The following GK5 variants were observed in gnomAD, a reference collection of about 807,000 sequenced individuals.
The protein encoded by GK5 is glycerol kinase 5.
In GK5, 39 loss-of-function variants were observed where a neutral mutation model predicts 77.3. The observed-to-expected ratio is 0.50, with a 90% confidence interval of 0.39 to 0.66. GK5 has a LOEUF of 0.66. Ranked by LOEUF, GK5 falls within the 30% of genes least tolerant of loss-of-function variation. The probability of loss-of-function intolerance (pLI) is 0.00; values close to 1 mark genes in which losing one functional copy is unlikely to be tolerated. For missense variants in GK5, 487 were observed against 633.8 expected (o/e 0.77, Z 2.49); for synonymous variants, 211 against 208.0 (o/e 1.01, Z -0.13).
chr3:142,206,017 TA>T (rs1220309439), intron 3 of GK5, among the ~76,000 whole-genome samples: 3 of 152,224 alleles, frequency 2.0e-5, no homozygotes, highest in African/African-American at 7.2e-5. Context: ...TTTGTTCTTT[TA>T]TATTTGGCTT....
At chr3:142,214,175 G>GA (rs979495633) in intron 2 of GK5, among the ~76,000 whole-genome samples, 2 of 151,866 alleles carry the variant, frequency 1.3e-5, no homozygotes, top group African/African-American at 4.8e-5. Flanking sequence ...TAGGTGCTGG[G>GA]AAAAAAACAA....
chr3:142,196,465 A>C (rs1400723302), intron 5 of GK5, among the ~76,000 whole-genome samples: 1 of 151,950 alleles, frequency 6.6e-6, no homozygotes, highest in Non-Finnish European at 1.5e-5. Flanking sequence ...TTTTGCTATA[A>C]ATTTCCTTCT....
At chr3:142,203,773 C>CA (rs552885184) in intron 4 of GK5, among the ~76,000 whole-genome samples, 87 of 151,996 alleles carry the variant, frequency 5.7e-4, no homozygotes, top group African/African-American at 2.1e-3. Context: ...GACTCCATCT[C>CA]AAAAAATAAC....
chr3:142,214,099 C>T (rs2064237306), intron 2 of GK5, among the ~76,000 whole-genome samples: 1 of 152,208 alleles, frequency 6.6e-6, no homozygotes, highest in South Asian at 2.1e-4. Context: ...GCTGGGATTA[C>T]AGGTGTGAGC....
chr3:142,189,988 AAAAC>A (rs2063826500), intron 5 of GK5, among the ~76,000 whole-genome samples: 1 of 152,204 alleles, frequency 6.6e-6, no homozygotes, highest in African/African-American at 2.4e-5. Context: ...ACATGGAAGA[AAAAC>A]AAAAACAGGA....
chr3:142,222,563 CAA>C (rs918156029), intron 1 of GK5, among the ~76,000 whole-genome samples: 5 of 133,036 alleles, frequency 3.8e-5, no homozygotes, highest in Non-Finnish European at 1.6e-5. Flanking sequence ...GACTCCATCT[CAA>C]AAAAAAAAAA....
chr3:142,219,315 A>C (rs1399020854), intron 1 of GK5, among the ~76,000 whole-genome samples: 1 of 152,248 alleles, frequency 6.6e-6, no homozygotes, highest in Non-Finnish European at 1.5e-5. Context: ...AATGATCACC[A>C]GAAACCAGAA....
chr3:142,174,502 A>T (rs1290773138), intron 12 of GK5, among the ~76,000 whole-genome samples: 1 of 152,172 alleles, frequency 6.6e-6, no homozygotes, highest in Non-Finnish European at 1.5e-5. Context: ...TTCTTCCAGG[A>T]TATCACAGAA....
chr3:142,207,760 C>G (rs1447384314), intron 3 of GK5, among the ~76,000 whole-genome samples: 1 of 152,170 alleles, frequency 6.6e-6, no homozygotes, highest in African/African-American at 2.4e-5. Context: ...TTGTTTGTGT[C>G]TATTATTTCT....
chr3:142,159,429 G>A lies in GK5; in HGVS notation c.*6193C>T, dbSNP rs2063407621. The A allele has an allele frequency of 6.6e-6, 1 of 152,038 alleles. No homozygotes were observed. The highest frequency in any genetic ancestry group is 2.1e-4 in the South Asian group (1 of 4,812). The allele number at this position is 152,038 out of a possible 1,614,324, so 9.4% of individuals were successfully genotyped here. A position where few individuals can be genotyped will look rare whatever the true frequency, so the allele number is the denominator to read the frequency against. ...TAACAGATCAAATTTATAGTAAAGT[G>A]GGGAAAGACAGTAGAAATAGAATAA... On this transcript the variant is annotated 3_prime_UTR_variant, in exon 16 of 16. Coordinates refer to ENST00000392993, the MANE Select transcript of GK5 (RefSeq NM_001039547.3).
At chr3:142,222,784 A>G (rs1027057551) in intron 1 of GK5, among the ~76,000 whole-genome samples, 3 of 152,190 alleles carry the variant, frequency 2.0e-5, no homozygotes, top group African/African-American at 7.2e-5. Flanking sequence ...TAATTTTTAT[A>G]AAGTTTCCAG....
At chr3:142,176,613 A>G (rs1365362163) in intron 12 of GK5, among the ~76,000 whole-genome samples, 1 of 152,000 alleles carries the variant, frequency 6.6e-6, no homozygotes, top group Non-Finnish European at 1.5e-5. Context: ...TGATTAAGCA[A>G]AGTAATCAAT....
rs2108775942 is a variant in GK5 at position 142,161,912 on chromosome 3, A to G, written c.*3710T>C. The G allele has an allele frequency of 6.6e-6, 1 of 152,134 alleles. No individual in the cohort carries two copies. Among genetic ancestry groups the G allele is most frequent in the Admixed American group, 6.5e-5 (1 of 15,274 alleles). The allele number at this position is 152,134 out of a possible 1,614,324, so 9.4% of individuals were successfully genotyped here. A position where few individuals can be genotyped will look rare whatever the true frequency, so the allele number is the denominator to read the frequency against. On this transcript the variant is annotated 3_prime_UTR_variant, in exon 16 of 16. Transcript: ENST00000392993. ...CTCCTGGAGCTCAAGTGATCTTCCC[A>G]CCTCAGCCCCCTAATTAGCTGGGAC...
chr3:142,185,263 A>T (rs1216578883), intron 9 of GK5: 1 of 374,040 alleles, frequency 2.7e-6, no homozygotes, highest in African/African-American at 2.2e-5. Context: ...AATACAAAAA[A>T]TTAGCCAGGT....
intron 4 of GK5, chr3:142,204,158 AG>A (rs1398950371): frequency 1.1e-5 from 2 of 176,228 alleles, no homozygotes; most frequent in East Asian, 3.2e-4. Context: ...AGCAGGGACT[AG>A]GGGTCCACAC....
intron 5 of GK5, among the ~76,000 whole-genome samples, chr3:142,194,354 C>T (rs1241216856): frequency 6.6e-6 from 1 of 152,020 alleles, no homozygotes; most frequent in Non-Finnish European, 1.5e-5. Flanking sequence ...GGCGAAACCC[C>T]GTCTCTACTA....
chr3:142,176,585 T>C (rs2063613182), intron 12 of GK5, among the ~76,000 whole-genome samples: 1 of 151,794 alleles, frequency 6.6e-6, no homozygotes, highest in South Asian at 2.1e-4. Flanking sequence ...AATCAAGACT[T>C]CTCCTAGGTT....
chr3:142,198,287 G>A (rs190897710), intron 5 of GK5, among the ~76,000 whole-genome samples: 207 of 152,142 alleles, frequency 1.4e-3, no homozygotes, highest in Non-Finnish European at 2.0e-3. Context: ...TTGAGCAAAA[G>A]GAGTCTGACA....
intron 5 of GK5, among the ~76,000 whole-genome samples, chr3:142,193,625 C>T (rs1406533435): frequency 6.6e-6 from 1 of 152,040 alleles, no homozygotes; most frequent in Non-Finnish European, 1.5e-5. Flanking sequence ...TTTATTTAGG[C>T]CTTCATTAAC....
Sources: allele counts gnomAD v4.1 joint callset (sites outside exome capture counted in the v4.1 genomes callset), GRCh38; gene constraint gnomAD v4.1.1; transcripts MANE v1.5; gene names NCBI Gene and HGNC (gene_info 2026-07-23, HGNC 2026-07-21).